CEP63: variants seen among roughly 807,000 people sequenced by gnomAD.
CEP63 encodes the protein centrosomal protein of 63 kDa.
CEP63 carries 84 observed loss-of-function variants against 89.1 expected under a neutral mutation model. That is an observed-to-expected ratio of 0.94 (90% CI 0.79 to 1.13). CEP63 has a LOEUF of 1.13. Among genes scored for constraint, CEP63 ranks in the 50% most tolerant of loss-of-function variants. The pLI, the probability that CEP63 is intolerant of heterozygous loss-of-function variation, is 0.00. For synonymous variants in CEP63, 267 were observed against 272.5 expected, an observed-to-expected ratio of 0.98 and a Z score of 0.20; for missense variants, 838 against 813.3, an observed-to-expected ratio of 1.03 and a Z score of -0.37.
At chr3:134,690,490 C>T in the CEP63 span, among the ~76,000 whole-genome samples, 2 of 152,184 alleles carry the variant, frequency 1.3e-5, no homozygotes, top group East Asian at 3.9e-4. Flanking sequence ...TGCTGAGGCT[C>T]ATAGGATGCT....
chr3:134,591,408 G>A (rs1369372718), downstream of CEP63, among the ~76,000 whole-genome samples: 3 of 152,206 alleles, frequency 2.0e-5, no homozygotes, highest in Non-Finnish European at 4.4e-5. Flanking sequence ...ATTGAATTAT[G>A]TCTTTAATAA....
At chr3:134,743,070 C>A in the CEP63 span, among the ~76,000 whole-genome samples, 1 of 152,216 alleles carries the variant, frequency 6.6e-6, no homozygotes, top group African/African-American at 2.4e-5. Flanking sequence ...ACACCCAGGG[C>A]AGCTGCCTTG....
chr3:134,553,904 G>T (rs1010363295), intron 12 of CEP63, among the ~76,000 whole-genome samples: 3 of 135,452 alleles, frequency 2.2e-5, no homozygotes, highest in African/African-American at 8.4e-5. Context: ...AGTATTGTTC[G>T]CAATATCCAA....
At chr3:134,729,261 C>G in the CEP63 span, among the ~76,000 whole-genome samples, 2 of 152,048 alleles carry the variant, frequency 1.3e-5, no homozygotes, top group East Asian at 3.9e-4. Flanking sequence ...AGGGGTAATC[C>G]CTTTTATTAA....
At chr3:134,508,771 A>G (rs1357296578) in intron 3 of CEP63, among the ~76,000 whole-genome samples, 1 of 152,190 alleles carries the variant, frequency 6.6e-6, no homozygotes, top group African/African-American at 2.4e-5. Flanking sequence ...TGGTAAGGAT[A>G]TGAAGATGTT....
chr3:134,720,715 C>T, the CEP63 span, among the ~76,000 whole-genome samples: 2 of 152,106 alleles, frequency 1.3e-5, no homozygotes, highest in South Asian at 4.1e-4. Flanking sequence ...GTTTTCCCAG[C>T]ACCATTTGTA....
chr3:134,700,061 T>C, the CEP63 span, among the ~76,000 whole-genome samples: 4 of 152,262 alleles, frequency 2.6e-5, no homozygotes, highest in African/African-American at 9.6e-5. Context: ...CCTCCTTACA[T>C]GTTGTGCCCT....
At chr3:134,761,258 G>T in the CEP63 span, among the ~76,000 whole-genome samples, 1 of 152,146 alleles carries the variant, frequency 6.6e-6, no homozygotes, top group Admixed American at 6.6e-5. Context: ...CTCCCAACAT[G>T]GTCCCCTAAT....
At chr3:134,569,391 G>A (rs1036243592), downstream of CEP63, among the ~76,000 whole-genome samples, 66 of 152,352 alleles carry the variant, frequency 4.3e-4, no homozygotes, top group African/African-American at 1.4e-3. Flanking sequence ...GGATACAGGC[G>A]TTGGGTAAAT....
At chr3:134,503,272 C>A (rs982274261) in intron 2 of CEP63, among the ~76,000 whole-genome samples, 4 of 151,574 alleles carry the variant, frequency 2.6e-5, no homozygotes, top group Admixed American at 2.0e-4. Context: ...CTTCACTGAC[C>A]CAGTGGTCAT....
downstream of CEP63, among the ~76,000 whole-genome samples, chr3:134,589,908 T>C (rs928762187): frequency 2.0e-5 from 3 of 152,218 alleles, no homozygotes; most frequent in African/African-American, 7.2e-5. Flanking sequence ...CATGGAATAC[T>C]ATGAAGCCAT....
At chr3:134,731,488 A>T in the CEP63 span, among the ~76,000 whole-genome samples, 1 of 152,250 alleles carries the variant, frequency 6.6e-6, no homozygotes, top group Non-Finnish European at 1.5e-5. Flanking sequence ...TTTGAAATTT[A>T]AAAACACACT....
the CEP63 span, among the ~76,000 whole-genome samples, chr3:134,667,719 G>A: frequency 6.6e-6 from 1 of 152,178 alleles, no homozygotes; most frequent in Non-Finnish European, 1.5e-5. Context: ...CCCTTGAGAA[G>A]GCAGAGATGG....
the CEP63 span, among the ~76,000 whole-genome samples, chr3:134,758,758 A>C: frequency 9.9e-5 from 15 of 152,080 alleles, no homozygotes; most frequent in African/African-American, 3.6e-4. Context: ...TGCCCTTAGC[A>C]ACTTGAGTTG....
At chr3:134,506,601 A>G (rs1186910656) in intron 2 of CEP63, among the ~76,000 whole-genome samples, 1 of 152,188 alleles carries the variant, frequency 6.6e-6, no homozygotes, top group Admixed American at 6.5e-5. Context: ...TGGAATAAGT[A>G]ATCATCTTAA....
the CEP63 span, among the ~76,000 whole-genome samples, chr3:134,669,633 AT>A: frequency 6.6e-6 from 1 of 152,196 alleles, no homozygotes; most frequent in African/African-American, 2.4e-5. Flanking sequence ...GACTCAGTTT[AT>A]TTTACTTATT....
chr3:134,764,077 G>A, the CEP63 span, among the ~76,000 whole-genome samples: 15 of 152,354 alleles, frequency 9.8e-5, no homozygotes, highest in East Asian at 7.7e-4. Flanking sequence ...CAATTTAGAA[G>A]CATATGGTAG....
the CEP63 span, chr3:134,608,943 C>T: frequency 1.5e-6 from 2 of 1,327,436 alleles, no homozygotes; most frequent in South Asian, 1.5e-5. Context: ...TGGGAAGAGG[C>T]ACCATCTCCG....
chr3:134,542,089 C>T (rs1952161247), intron 6 of CEP63, among the ~76,000 whole-genome samples: 1 of 152,030 alleles, frequency 6.6e-6, no homozygotes, highest in African/African-American at 2.4e-5. Context: ...ATTAAGCCAA[C>T]ATAAAATGTA....
Sources: gnomAD v4.1 joint callset for allele counts (sites outside exome capture counted in the v4.1 genomes callset) on GRCh38, gnomAD v4.1.1 for gene constraint, MANE v1.5 for transcripts, NCBI Gene and HGNC (gene_info 2026-07-23, HGNC 2026-07-21) for gene names.